The following NLGN1 variants were observed in gnomAD, a reference collection of about 807,000 sequenced individuals.
NLGN1 encodes the protein neuroligin 1, also known as neuroligin-1.
NLGN1 carries 12 observed loss-of-function variants against 65.5 expected under a neutral mutation model. That is an observed-to-expected ratio of 0.18 (90% confidence interval 0.12 to 0.30). The LOEUF (loss-of-function observed/expected upper bound fraction) is 0.30. Among genes scored for constraint, NLGN1 ranks in the 10% least tolerant of loss-of-function variants. NLGN1 has a pLI of 1.00. For synonymous variants in NLGN1, 350 were observed against 359.5 expected, an observed-to-expected ratio of 0.97 and a Z score of 0.30; for missense variants, 750 against 1,007.1, an observed-to-expected ratio of 0.74 and a Z score of 3.46.
intron 3 of NLGN1, among the ~76,000 whole-genome samples, chr3:173,743,159 A>G (rs1178117519): frequency 6.6e-6 from 1 of 152,124 alleles, no homozygotes; most frequent in Non-Finnish European, 1.5e-5. Flanking sequence ...AAAGACTCAT[A>G]ATAAACTCAC....
At chr3:174,287,848 G>A (rs776001687), downstream of NLGN1, among the ~76,000 whole-genome samples, 1 of 151,428 alleles carries the variant, frequency 6.6e-6, no homozygotes, top group Non-Finnish European at 1.5e-5. Context: ...GTCTTAAAAG[G>A]TGATCTAACC....
intron 2 of NLGN1, among the ~76,000 whole-genome samples, chr3:173,494,547 G>A (rs1729703185): frequency 6.6e-6 from 1 of 151,556 alleles, no homozygotes; most frequent in Admixed American, 6.6e-5. Context: ...ATTTGATGAA[G>A]TCTAATATAT....
At position 173,644,079 on chromosome 3, in the gene NLGN1, A is replaced by G. The variant is rs1757841627; in HGVS notation, c.493+38988A>G. 2.6e-5 allele frequency among the ~76,000 whole-genome samples: 4 copies of G among 152,196 alleles called. No individual in the cohort carries two copies. In the South Asian group the frequency reaches 8.3e-4, roughly 32 times the overall value. On this transcript the variant is annotated intron_variant, in intron 3 of 6. Coordinates refer to ENST00000457714, the Ensembl canonical transcript of NLGN1. ...AAAGGTTAACCTGGGACACTCTTGGACAGTGATTCTGATGTTTGTTCTGAG... is the reference window on the plus strand; with the variant it reads ...AAAGGTTAACCTGGGACACTCTTGGGCAGTGATTCTGATGTTTGTTCTGAG...
chr3:173,899,704 T>C (rs2152169133), intron 4 of NLGN1, among the ~76,000 whole-genome samples: 1 of 152,266 alleles, frequency 6.6e-6, no homozygotes, highest in East Asian at 1.9e-4. Flanking sequence ...CTATGCTGCC[T>C]TCAGGCCACA....
At chr3:173,508,556 G>A (rs142520970) in intron 2 of NLGN1, among the ~76,000 whole-genome samples, 12 of 152,210 alleles carry the variant, frequency 7.9e-5, no homozygotes, top group Non-Finnish European at 1.8e-4. Context: ...AAATGGGTTG[G>A]GGTAGAGGTA....
chr3:173,636,951 GTGA>G (rs1269559981), intron 3 of NLGN1, among the ~76,000 whole-genome samples: 1 of 152,130 alleles, frequency 6.6e-6, no homozygotes, highest in African/African-American at 2.4e-5. Flanking sequence ...TTAAGCTAGT[GTGA>G]AAAATAAATA....
intron 3 of NLGN1, among the ~76,000 whole-genome samples, chr3:173,745,839 G>A (rs1775283308): frequency 1.3e-5 from 2 of 152,022 alleles, no homozygotes; most frequent in South Asian, 2.1e-4. Context: ...TTGAATCATG[G>A]ACTATTAGTT....
intron 4 of NLGN1, among the ~76,000 whole-genome samples, chr3:173,919,207 C>T (rs1741432139): frequency 6.6e-6 from 1 of 152,084 alleles, no homozygotes; most frequent in Non-Finnish European, 1.5e-5. Context: ...ATTCAAGATT[C>T]TGGAGATTAA....
At chr3:174,109,556 TTC>T (rs1714728315) in intron 4 of NLGN1, among the ~76,000 whole-genome samples, 1 of 152,070 alleles carries the variant, frequency 6.6e-6, no homozygotes, top group South Asian at 2.1e-4. Flanking sequence ...AGAGGATCTT[TTC>T]TCTTTTTCAT....
At chr3:174,262,284 G>T (rs2152860617) in intron 4 of NLGN1, among the ~76,000 whole-genome samples, 1 of 93,334 alleles carries the variant, frequency 1.1e-5, no homozygotes, top group East Asian at 3.0e-4. Flanking sequence ...TTGTACCTCT[G>T]GTAGAATTCG....
chr3:173,757,761 T>C (rs1180473080), intron 3 of NLGN1, among the ~76,000 whole-genome samples: 1 of 152,022 alleles, frequency 6.6e-6, no homozygotes, highest in Non-Finnish European at 1.5e-5. Flanking sequence ...TTACTTTCTT[T>C]AGGTGTGCAA....
intron 4 of NLGN1, among the ~76,000 whole-genome samples, chr3:173,841,958 A>G (rs957628737): frequency 4.6e-5 from 7 of 152,100 alleles, no homozygotes; most frequent in Admixed American, 2.0e-4. Flanking sequence ...GTATTAGTCC[A>G]TTTTCACACT....
intron 4 of NLGN1, among the ~76,000 whole-genome samples, chr3:174,094,562 A>T (rs978888470): frequency 6.6e-6 from 1 of 151,950 alleles, no homozygotes; most frequent in African/African-American, 2.4e-5. Context: ...TTCAGACGTT[A>T]TCATTACAAA....
intron 4 of NLGN1, among the ~76,000 whole-genome samples, chr3:174,110,978 G>A (rs372371000): frequency 6.6e-6 from 1 of 152,034 alleles, no homozygotes; most frequent in South Asian, 2.1e-4. Context: ...AGTAAGTGTT[G>A]AGGAATATTT....
chr3:173,519,393 T>A (rs1388414092), intron 2 of NLGN1, among the ~76,000 whole-genome samples: 3 of 152,176 alleles, frequency 2.0e-5, no homozygotes, highest in African/African-American at 4.8e-5. Flanking sequence ...ACCGGCAGCT[T>A]GCACCATGAA....
intron 3 of NLGN1, among the ~76,000 whole-genome samples, chr3:173,803,967 T>G (rs1003542581): frequency 6.6e-6 from 1 of 152,200 alleles, no homozygotes; most frequent in African/African-American, 2.4e-5. Context: ...TATTTAATGA[T>G]TATATCACTA....
chr3:173,439,241 C>T (rs1262699490), intron 2 of NLGN1, among the ~76,000 whole-genome samples: 3 of 152,062 alleles, frequency 2.0e-5, no homozygotes, highest in Non-Finnish European at 4.4e-5. Context: ...TGGTTTAAAG[C>T]CTGGAGAATG....
At chr3:173,948,826 A>G (rs950621211) in intron 4 of NLGN1, among the ~76,000 whole-genome samples, 2 of 152,208 alleles carry the variant, frequency 1.3e-5, no homozygotes, top group African/African-American at 4.8e-5. Flanking sequence ...ATGATTGGAC[A>G]TTATACTTGA....
intron 3 of NLGN1, among the ~76,000 whole-genome samples, chr3:173,774,596 C>T (rs1030366771): frequency 6.6e-5 from 10 of 152,014 alleles, no homozygotes; most frequent in Non-Finnish European, 5.9e-5. Flanking sequence ...CTAGAATGGG[C>T]TGTTTATGGG....
Sources: gnomAD v4.1 joint callset for allele counts (sites outside exome capture counted in the v4.1 genomes callset) on GRCh38, gnomAD v4.1.1 for gene constraint, MANE v1.5 for transcripts, NCBI Gene and HGNC (gene_info 2026-07-23, HGNC 2026-07-21) for gene names.